Variants in ZNF500 observed in about 807,000 individuals in gnomAD.
The protein encoded by ZNF500 is zinc finger protein 500.
Under a neutral mutation model 30.1 loss-of-function variants are expected in ZNF500, and 31 were observed. The observed-to-expected ratio is 1.03, with a 90% CI of 0.77 to 1.39. The LOEUF is 1.39. ZNF500 is among the 40% of genes most tolerant of loss of function. ZNF500 has a pLI of 0.00. For synonymous variants in ZNF500, 392 were observed against 282.0 expected (o/e 1.39, Z -3.91); for missense variants, 817 against 657.8 (o/e 1.24, Z -2.65).
In ZNF500 at chr16:4,765,701, AGCAGCTCCAGGATCTGCTCCTTGGTGC is replaced by A. The variant is rs766406052; in HGVS notation, c.251_277del (p.Arg84_Leu92del). ...CACAGTCAGGAACTGCTCCAGCACC[AGCAGCTCCAGGATCTGCTCCTTGGTGC>A]GCAGCTCCGGCCGCAGCCAGCGGCA... is the stretch of plus-strand genomic sequence containing the variant. On this transcript the variant is annotated inframe_deletion, in exon 2 of 6. Coordinates refer to ENST00000219478, the MANE Select transcript of ZNF500 (RefSeq NM_021646.4). 1.9e-6 allele frequency: 3 copies of A among 1,613,212 alleles called. No individual in the cohort carries two copies. The South Asian group carries it at 3.3e-5, about 18-fold the overall frequency.
downstream of ZNF500, chr16:4,744,734 A>T: frequency 9.1e-7 from 1 of 1,100,162 alleles, no homozygotes; most frequent in African/African-American, 1.6e-5. Flanking sequence ...GAGTAGGGAG[A>T]GGGCTGGGCG....
chr16:4,745,437 A>G (rs1036913489), downstream of ZNF500, among the ~76,000 whole-genome samples: 1 of 152,192 alleles, frequency 6.6e-6, no homozygotes, highest in African/African-American at 2.4e-5. Context: ...TGGAAGGGCA[A>G]CAGCCACCTG....
rs2082230943 is a variant in ZNF500, at chr16:4,763,547, A to G, written c.415-791T>C. 5 of 985,394 alleles carry G rather than the reference A, an allele frequency of 5.1e-6. No individual in the cohort carries two copies. The South Asian group carries it at 2.3e-4, about 46-fold the overall frequency. 61.0% of individuals were successfully genotyped at this position (985,394 alleles called of 1,614,324 possible). A position where few individuals can be genotyped will look rare whatever the true frequency, so the allele number is the denominator to read the frequency against. ...TAGCACTTGGACAAGAGACATCCCT[A>G]GGCAACTACAAACCCAGCGTCAGGG... On this transcript the variant is annotated intron_variant, in intron 2 of 5. Transcript: ENST00000219478.
At position 4,765,884 on chromosome 16, in the gene ZNF500, C is replaced by A; in HGVS notation, c.95G>T (p.Cys32Phe). ...CTCCACGGAGGGCTCCTCTTCCAAG[C>A]AGAAGTCCTCCTCCACCTTCACAAT... ...ILIVKVEEDFCLEEEPSVETE... is the reference protein window; with the variant it reads ...ILIVKVEEDFFLEEEPSVETE... Residue 32 changes from cysteine (C) to phenylalanine (F), a missense_variant, in exon 2 of 6, where the codon TGC becomes TTC. Physicochemically the swap from Cys to Phe is radical, Grantham distance 205 (BLOSUM62 -2). Coordinates refer to ENST00000219478, the MANE Select transcript of ZNF500 (RefSeq NM_021646.4). 1 of 1,613,590 alleles carries A rather than the reference C, an allele frequency of 6.2e-7. No individual in the cohort carries two copies. The highest frequency in any genetic ancestry group is 8.5e-7 in the Non-Finnish European group (1 of 1,179,968).
chr16:4,747,678 T>C (rs1257731485), downstream of ZNF500: 1 of 1,541,780 alleles, frequency 6.5e-7, no homozygotes, highest in East Asian at 2.3e-5. Context: ...TGACTTGCCA[T>C]GGACCCTGGG....
intron 1 of ZNF500, 32 bp from the exon 2 acceptor site, chr16:4,766,108 C>G: frequency 8.7e-7 from 1 of 1,150,920 alleles, no homozygotes; most frequent in South Asian, 1.9e-5. Context: ...ATCTGAAGGG[C>G]AGCCCTGGGG....
chr16:4,751,423 G>T lies in ZNF500; in HGVS notation c.*953C>A. On this transcript the variant is annotated 3_prime_UTR_variant, in exon 6 of 6. Transcript: ENST00000219478. ...AGGCCCGTCACATCCCAGGCAACAT[G>T]TCAGGAAGATGGAACTCAGGGGTGC... 1.4e-6 allele frequency: 1 copy of T among 705,190 alleles called. No homozygotes were observed. The highest frequency in any genetic ancestry group is 2.3e-6 in the Non-Finnish European group (1 of 439,792). 43.7% of individuals were successfully genotyped at this position (705,190 alleles called of 1,614,324 possible).
downstream of ZNF500, chr16:4,746,451 T>C: frequency 6.2e-7 from 1 of 1,613,050 alleles, no homozygotes; most frequent in Non-Finnish European, 8.5e-7. Flanking sequence ...TAACGCAGAG[T>C]CCCCCACCAT....
At chr16:4,744,391 A>G (rs2081986743), downstream of ZNF500, among the ~76,000 whole-genome samples, 1 of 152,120 alleles carries the variant, frequency 6.6e-6, no homozygotes, top group South Asian at 2.1e-4. Flanking sequence ...ACCCATATTC[A>G]GGAGGAGTCC....
chr16:4,746,684 GGAA>G (rs1421606287), downstream of ZNF500: 88 of 975,244 alleles, frequency 9.0e-5, no homozygotes, highest in Non-Finnish European at 1.3e-4. Context: ...CTGCAGGGAG[GGAA>G]GAGGGGCATG....
chr16:4,747,428 G>A (rs774690583), downstream of ZNF500: 2 of 1,613,054 alleles, frequency 1.2e-6, no homozygotes, highest in Non-Finnish European at 8.5e-7. Flanking sequence ...TGCCAGCAAG[G>A]GGCCCGCGGG....
chr16:4,745,340 G>GC (rs1316331558), downstream of ZNF500, among the ~76,000 whole-genome samples: 1 of 152,184 alleles, frequency 6.6e-6, no homozygotes, highest in Non-Finnish European at 1.5e-5. Context: ...ATGTGACCCT[G>GC]CCCCTCTGGC....
At chr16:4,762,462 T>C in intron 3 of ZNF500, 111 bp downstream of exon 3, 1 of 1,513,928 alleles carries the variant, frequency 6.6e-7, no homozygotes, top group East Asian at 2.3e-5. Context: ...CTGGAGAGCC[T>C]GTGCACCCTG....
chr16:4,762,052 C>T (rs1008062254), intron 4 of ZNF500, among the ~76,000 whole-genome samples: 18 of 152,148 alleles, frequency 1.2e-4, no homozygotes, highest in African/African-American at 4.1e-4. Context: ...CCGGGCACAG[C>T]CGAGTACTTA....
At position 4,765,591 on chromosome 16, in the gene ZNF500, G is replaced by T; in HGVS notation, c.388C>A (p.Arg130=). The part of the protein sequence containing the change: ...EAVVLVEGLQ[R]KPRKHRQRGS... ...CGCTGCCTGTGTTTCCTGGGCTTCC[G>T]CTGCAGCCCTTCCACAAGGACCACG... The change falls in exon 2 of 6, where the codon CGG becomes AGG. Residue 130 remains arginine, a synonymous_variant. Coordinates refer to ENST00000219478, the MANE Select transcript of ZNF500 (RefSeq NM_021646.4). 1 of 1,606,326 alleles carries T rather than the reference G, an allele frequency of 6.2e-7. No individual in the cohort carries two copies. The highest frequency in any genetic ancestry group is 8.5e-7 in the Non-Finnish European group (1 of 1,175,528).
At position 4,751,170 on chromosome 16, in the gene ZNF500, G is replaced by A. The variant is rs1279935333; in HGVS notation, c.*1206C>T. On this transcript the variant is annotated 3_prime_UTR_variant, in exon 6 of 6. Transcript: ENST00000219478. ...TCCATAGCTGCCCTACGACTTCCGA[G>A]ATGACTAAACCCACCAAGGACTCTA... is the stretch of plus-strand genomic sequence containing the variant. The A allele has an allele frequency of 6.2e-6, 1 of 161,750 alleles. No individual in the cohort carries two copies. 10.0% of individuals were successfully genotyped at this position (161,750 alleles called of 1,614,324 possible).
In ZNF500 at chr16:4,753,011, G is replaced by A; in HGVS notation, c.808C>T (p.Pro270Ser). 8.3e-6 allele frequency: 13 copies of A among 1,561,252 alleles called. No homozygotes were observed. The highest frequency in any genetic ancestry group is 1.0e-5 in the Non-Finnish European group (12 of 1,155,050). ...EDGGDGREDA[P>S]LRMEWYRVLS... is the part of the protein sequence containing the mutation. ...ACTCGGTACCACTCCATTCTCAACG[G>A]GGCATCCTCCCTGCCATCACCGCCG... The change falls in exon 6 of 6, where the codon CCG becomes TCG. Residue 270 changes from proline to serine, a missense_variant. By Grantham distance (74) the Pro-to-Ser change is moderately conservative. Transcript: ENST00000219478.
intron 5 of ZNF500, among the ~76,000 whole-genome samples, chr16:4,754,990 TCCTGCTCCAGCCATGTGAGACATG>T (rs1359052385): frequency 6.6e-6 from 1 of 152,198 alleles, no homozygotes; most frequent in African/African-American, 2.4e-5. Flanking sequence ...GCTCCTTTGC[TCCTGCTCCAGCCATGTGAGACATG>T]CCTGCTCCCT....
At position 4,762,347 on chromosome 16, in the gene ZNF500, C is replaced by A; in HGVS notation, c.599-12G>T. The stretch of plus-strand genomic sequence containing the variant: ...GGGAGCTGGAGGGCCTGGGAAGGAG[C>A]AGAGTCACCACCAGTCACACAGCTC... On this transcript the variant is annotated splice_polypyrimidine_tract_variant and intron_variant, in intron 3 of 5. Coordinates refer to ENST00000219478, the MANE Select transcript of ZNF500 (RefSeq NM_021646.4). The A allele has an allele frequency of 1.3e-6, 2 of 1,599,860 alleles. No homozygotes were observed. Among genetic ancestry groups the A allele is most frequent in the Non-Finnish European group, 1.7e-6 (2 of 1,173,368 alleles).
Sources: gnomAD v4.1 joint callset for allele counts (sites outside exome capture counted in the v4.1 genomes callset) on GRCh38, gnomAD v4.1.1 for gene constraint, MANE v1.5 for transcripts, NCBI Gene and HGNC (gene_info 2026-07-23, HGNC 2026-07-21) for gene names.